Variants in PLCB4 observed in about 807,000 individuals in gnomAD.
The protein encoded by PLCB4 is phospholipase C beta 4, also known as 1-phosphatidylinositol 4,5-bisphosphate phosphodiesterase beta-4.
PLCB4 carries 77 observed loss-of-function variants against 178.8 expected under a neutral mutation model. That is an observed-to-expected ratio of 0.43 (90% CI 0.36 to 0.52). PLCB4 has a LOEUF of 0.52. PLCB4 is among the 20% of genes least tolerant of loss of function. PLCB4 has a pLI of 0.00. For synonymous variants in PLCB4, 496 were observed against 490.8 expected (o/e 1.01, Z -0.14); for missense variants, 1,024 against 1,453.4 (o/e 0.70, Z 4.80).
At chr20:9,240,727 T>C (rs1348673956) in intron 3 of PLCB4, among the ~76,000 whole-genome samples, 3 of 152,166 alleles carry the variant, frequency 2.0e-5, no homozygotes, top group African/African-American at 7.2e-5. Context: ...TGTTTGTTCT[T>C]GACCCTTTCT....
At chr20:9,078,962 G>T (rs895828161) in intron 1 of PLCB4, among the ~76,000 whole-genome samples, 3 of 152,098 alleles carry the variant, frequency 2.0e-5, no homozygotes, top group Non-Finnish European at 4.4e-5. Context: ...AAAAATTCTG[G>T]TTTGGTTGGC....
At chr20:9,467,197 TATGTTCTTACTC>T (rs1436947233) in intron 35 of PLCB4, among the ~76,000 whole-genome samples, 3 of 152,116 alleles carry the variant, frequency 2.0e-5, no homozygotes, top group African/African-American at 7.2e-5. Flanking sequence ...CCAAACACCG[TATGTTCTTACTC>T]ATAGGTGGGA....
At chr20:9,119,053 T>C (rs57167245) in intron 2 of PLCB4, among the ~76,000 whole-genome samples, 3,471 of 152,278 alleles carry the variant, frequency 0.023, 122 homozygotes, top group African/African-American at 0.077. Flanking sequence ...GTGGGCATCA[T>C]GAATTAATTT....
chr20:9,414,443 T>C (rs997912531), intron 25 of PLCB4, among the ~76,000 whole-genome samples: 1 of 152,238 alleles, frequency 6.6e-6, no homozygotes, highest in South Asian at 2.1e-4. Context: ...CGTGTCACCC[T>C]TGTGGTTCTC....
intron 2 of PLCB4, among the ~76,000 whole-genome samples, chr20:9,127,674 CTATCTATCT>C (rs1241124932): frequency 0.011 from 1,613 of 151,516 alleles, 19 homozygotes; most frequent in African/African-American, 0.016. Context: ...ATCTATCTAT[CTATCTATCT>C]ATCCATCCAT....
chr20:9,466,886 C>G (rs1467000631), intron 35 of PLCB4, among the ~76,000 whole-genome samples: 2 of 152,162 alleles, frequency 1.3e-5, no homozygotes, highest in Admixed American at 6.5e-5. Context: ...CCTCAAGGAT[C>G]TAGAACTAGA....
chr20:9,365,873 C>T (rs2035733162), intron 9 of PLCB4, among the ~76,000 whole-genome samples: 2 of 152,194 alleles, frequency 1.3e-5, no homozygotes, highest in South Asian at 2.1e-4. Context: ...TTTTATTGTG[C>T]ACCTACTGTG....
At chr20:9,336,900 TA>T (rs1192431935) in intron 4 of PLCB4, among the ~76,000 whole-genome samples, 1 of 152,202 alleles carries the variant, frequency 6.6e-6, no homozygotes, top group African/African-American at 2.4e-5. Context: ...GCTTTGTTCT[TA>T]AACCTATCCT....
At chr20:9,474,149 G>A (rs771275477) in intron 38 of PLCB4, among the ~76,000 whole-genome samples, 27 of 151,858 alleles carry the variant, frequency 1.8e-4, no homozygotes, top group African/African-American at 4.8e-4. Flanking sequence ...CCCAAGAGGC[G>A]GAGGTTGCAG....
intron 1 of PLCB4, among the ~76,000 whole-genome samples, chr20:9,082,259 A>G (rs1001264397): frequency 6.6e-6 from 1 of 152,204 alleles, no homozygotes; most frequent in Non-Finnish European, 1.5e-5. Flanking sequence ...ATGACCTGCA[A>G]GTACATCAGT....
intron 1 of PLCB4, among the ~76,000 whole-genome samples, chr20:9,090,624 G>A (rs1377450303): frequency 6.6e-6 from 1 of 151,790 alleles, no homozygotes; most frequent in Non-Finnish European, 1.5e-5. Context: ...TGAAATGGCA[G>A]AGTAAAGAAG....
intron 35 of PLCB4, among the ~76,000 whole-genome samples, chr20:9,463,593 C>CAAA (rs145361980): frequency 0.012 from 600 of 49,606 alleles, 31 homozygotes; most frequent in African/African-American, 0.036. Flanking sequence ...AAATGGAAAG[C>CAAA]AAAAAAAAAA....
At chr20:9,371,452 T>G (rs531234426) in intron 10 of PLCB4, among the ~76,000 whole-genome samples, 157 bp downstream of exon 10, 299 of 152,256 alleles carry the variant, frequency 2.0e-3, no homozygotes, top group Non-Finnish European at 1.6e-3. Context: ...TCTTTCTTCT[T>G]CCTCCCTCTC....
intron 2 of PLCB4, among the ~76,000 whole-genome samples, chr20:9,155,983 G>A (rs922918991): frequency 1.3e-5 from 2 of 152,134 alleles, no homozygotes; most frequent in South Asian, 2.1e-4. Flanking sequence ...AGCAAACATC[G>A]TGGAGAACTT....
In PLCB4 at chr20:9,105,497, A is replaced by G. The variant is rs1057279487; in HGVS notation, c.-79+9155A>G. ...ATAATTCCAAAGTGCATCTGGAAGTATGAACCTATTAATACTCTCAGAATT... is the reference window on the plus strand; with the variant it reads ...ATAATTCCAAAGTGCATCTGGAAGTGTGAACCTATTAATACTCTCAGAATT... On this transcript the variant is annotated intron_variant, in intron 2 of 39. Transcript: ENST00000378473. Among the ~76,000 whole-genome samples, 35 of 152,258 alleles carry G rather than the reference A, an allele frequency of 2.3e-4. 1 individual carries two copies. The highest frequency in any genetic ancestry group is 7.9e-4 in the African/African-American group (33 of 41,574).
At chr20:9,338,116 G>T (rs538519168) in intron 6 of PLCB4, 49 bp downstream of exon 6, 1 of 1,238,712 alleles carries the variant, frequency 8.1e-7, no homozygotes, top group East Asian at 2.3e-5. Flanking sequence ...TACTTATATT[G>T]GAAATGGCCA....
At chr20:9,240,232 CT>C (rs1306261064) in intron 3 of PLCB4, among the ~76,000 whole-genome samples, 3 of 152,124 alleles carry the variant, frequency 2.0e-5, no homozygotes, top group East Asian at 3.9e-4. Context: ...GAGTAGCCCT[CT>C]GGAATGAGGG....
At chr20:9,093,843 C>T (rs2090789069) in intron 1 of PLCB4, among the ~76,000 whole-genome samples, 1 of 151,934 alleles carries the variant, frequency 6.6e-6, no homozygotes. Flanking sequence ...ACTTTCCCTG[C>T]TTGTTGTGAG....
chr20:9,207,727 T>A (rs2093630043), intron 2 of PLCB4, among the ~76,000 whole-genome samples: 1 of 152,268 alleles, frequency 6.6e-6, no homozygotes, highest in Admixed American at 6.5e-5. Flanking sequence ...TCATGTTTCT[T>A]ACTTGCTTCT....
Sources: allele counts gnomAD v4.1 joint callset (sites outside exome capture counted in the v4.1 genomes callset), GRCh38; gene constraint gnomAD v4.1.1; transcripts MANE v1.5; gene names NCBI Gene and HGNC (gene_info 2026-07-23, HGNC 2026-07-21).